The following EIF4A3 variants were observed in gnomAD, a reference collection of about 807,000 sequenced individuals.
EIF4A3 encodes eukaryotic initiation factor 4A-III.
Under a neutral mutation model 55.6 loss-of-function variants are expected in EIF4A3, and 1 was observed. That is an observed-to-expected ratio of 0.02 (90% confidence interval 0.01 to 0.09). EIF4A3 has a LOEUF of 0.09. EIF4A3 is among the 10% of genes least tolerant of loss of function. The pLI is 1.00. For missense variants in EIF4A3, 221 were observed against 540.7 expected (o/e 0.41, Z 5.86); for synonymous variants, 194 against 196.3 (o/e 0.99, Z 0.10).
At chr17:80,135,761 T>C (rs1474417425) in intron 11 of EIF4A3, 4 of 610,292 alleles carry the variant, frequency 6.6e-6, no homozygotes, top group Non-Finnish European at 1.1e-5. Context: ...CTGGCTATGG[T>C]GCACGTGTCT....
Position 80,134,437 on chromosome 17 carries a change from T to C in EIF4A3, c.*1053A>G, listed in dbSNP as rs1215481824. 6.6e-6 allele frequency among the ~76,000 whole-genome samples: 1 copy of C among 152,112 alleles called. No individual in the cohort carries two copies. The highest frequency in any genetic ancestry group is 2.4e-5 in the African/African-American group (1 of 41,410). On this transcript the variant is annotated 3_prime_UTR_variant, in exon 12 of 12. Transcript: ENST00000649764. Reference sequence around the variant, plus strand: ...ACAGATAATTATCTGTTTTAGTTTGTCAACATTGTGGTAAGTCATGATCCT... The same window carrying C: ...ACAGATAATTATCTGTTTTAGTTTGCCAACATTGTGGTAAGTCATGATCCT...
At chr17:80,141,032 G>A (rs1484301697) in intron 4 of EIF4A3, among the ~76,000 whole-genome samples, 5 of 152,030 alleles carry the variant, frequency 3.3e-5, no homozygotes, top group African/African-American at 1.2e-4. Context: ...CCTGACCTCA[G>A]GTGATCCACC....
At position 80,140,396 on chromosome 17, in the gene EIF4A3, C is replaced by T. The variant is rs145646361; in HGVS notation, c.373-256G>A. 293 of 304,706 alleles carry T rather than the reference C, an allele frequency of 9.6e-4. 1 individual carries two copies. The highest frequency in any genetic ancestry group is 6.2e-3 in the African/African-American group (281 of 45,142). 18.9% of individuals were successfully genotyped at this position (304,706 alleles called of 1,614,324 possible). The stretch of plus-strand genomic sequence containing the variant: ...CAGCGCAATCTTAGCTCACTGCAAG[C>T]TCCGCCTCCAGGGTTCACGCCATTC... On this transcript the variant is annotated intron_variant, in intron 4 of 11. Transcript: ENST00000649764.
intron 2 of EIF4A3, among the ~76,000 whole-genome samples, chr17:80,142,784 G>A (rs993506289): frequency 1.8e-4 from 28 of 152,168 alleles, no homozygotes; most frequent in Admixed American, 5.9e-4. Flanking sequence ...AGTGGCTCAC[G>A]CCTGTAATCC....
Position 80,139,180 on chromosome 17 carries a change from A to T in EIF4A3, c.587-18T>A. On this transcript the variant is annotated intron_variant, in intron 6 of 11. Transcript: ENST00000649764. ...TTTGAAACCTGGGACAGGGAGCAAG[A>T]CAGGTGAGGGATGTTTAGGGCGGCA... 2.5e-6 allele frequency: 4 copies of T among 1,613,860 alleles called. No homozygotes were observed. The highest frequency in any genetic ancestry group is 3.4e-6 in the Non-Finnish European group (4 of 1,179,824).
At chr17:80,137,632 TC>T in intron 8 of EIF4A3, 131 bp from the exon 9 acceptor site, 1 of 705,326 alleles carries the variant, frequency 1.4e-6, no homozygotes, top group South Asian at 2.0e-5. Flanking sequence ...AAACTCAGAA[TC>T]ATCCTAACTG....
intron 2 of EIF4A3, among the ~76,000 whole-genome samples, chr17:80,143,112 G>C (rs781276077): frequency 1.3e-5 from 2 of 152,088 alleles, no homozygotes; most frequent in Non-Finnish European, 1.5e-5. Flanking sequence ...ATTCCCTTAT[G>C]GGGGAAAGAA....
intron 8 of EIF4A3, 80 bp from the exon 9 acceptor site, chr17:80,137,581 T>G (rs2039582793): frequency 9.4e-7 from 1 of 1,058,412 alleles, no homozygotes; most frequent in African/African-American, 1.6e-5. Flanking sequence ...ACCGCATCAT[T>G]TGCAGAACCA....
chr17:80,137,084 T>G, intron 9 of EIF4A3: 1 of 252,042 alleles, frequency 4.0e-6, no homozygotes. Context: ...CACTGTGGAA[T>G]TAAACTAATC....
Position 80,147,082 on chromosome 17 carries a change from T to C in EIF4A3, c.-121A>G. The C allele has an allele frequency of 7.6e-7, 1 of 1,323,470 alleles. No homozygotes were observed. Among genetic ancestry groups the C allele is most frequent in the Non-Finnish European group, 9.7e-7 (1 of 1,030,166 alleles). 82.0% of individuals were successfully genotyped at this position (1,323,470 alleles called of 1,614,324 possible). On this transcript the variant is annotated 5_prime_UTR_variant, in exon 1 of 12. Coordinates refer to ENST00000649764, the MANE Select transcript of EIF4A3 (RefSeq NM_014740.4). ...CGACCTCGCTGTGCCGCTGCCGACC[T>C]CGCTGTGCCGCTGCCGACCTCGCTG...
At chr17:80,137,722 CTA>C (rs2039584589) in intron 8 of EIF4A3, 2 of 523,734 alleles carry the variant, frequency 3.8e-6, no homozygotes, top group Non-Finnish European at 6.8e-6. Context: ...TATAATGACT[CTA>C]TGGGGGGAGG....
At chr17:80,135,588 C>T in intron 11 of EIF4A3, 82 bp from the exon 12 acceptor site, 1 of 1,287,222 alleles carries the variant, frequency 7.8e-7, no homozygotes, top group African/African-American at 1.5e-5. Context: ...TAAAACCTCA[C>T]AACAGACTTC....
chr17:80,137,942 C>G (rs2039586314), intron 8 of EIF4A3, among the ~76,000 whole-genome samples, 200 bp downstream of exon 8: 1 of 152,148 alleles, frequency 6.6e-6, no homozygotes, highest in Non-Finnish European at 1.5e-5. Context: ...TATCGCTGTT[C>G]TGTAAATGAA....
At chr17:80,142,933 G>A (rs2039629555) in intron 2 of EIF4A3, among the ~76,000 whole-genome samples, 1 of 152,194 alleles carries the variant, frequency 6.6e-6, no homozygotes, top group Non-Finnish European at 1.5e-5. Flanking sequence ...CAGCTACTTG[G>A]GAGGGTGAGG....
In EIF4A3 at chr17:80,136,495, C is replaced by A. The variant is rs1245464667; in HGVS notation, c.984-160G>T. On this transcript the variant is annotated intron_variant, in intron 9 of 11. Coordinates refer to ENST00000649764, the MANE Select transcript of EIF4A3 (RefSeq NM_014740.4). ...GTCTGCAAACGTGAAGCCTCAGGGACAGCACCAGAAACCCCTGTGCAGAGG... is the reference window on the plus strand; with the variant it reads ...GTCTGCAAACGTGAAGCCTCAGGGAAAGCACCAGAAACCCCTGTGCAGAGG... 4 of 624,380 alleles carry A rather than the reference C, an allele frequency of 6.4e-6. No individual in the cohort carries two copies. The African/African-American group carries it at 7.4e-5, about 12-fold the overall frequency. 38.7% of individuals were successfully genotyped at this position (624,380 alleles called of 1,614,324 possible).
intron 3 of EIF4A3, 51 bp from the exon 4 acceptor site, chr17:80,141,432 G>A: frequency 6.4e-7 from 1 of 1,555,086 alleles, no homozygotes; most frequent in Admixed American, 1.7e-5. Context: ...TTATCAAAGT[G>A]GATTGTAGTA....
At chr17:80,145,036 G>A (rs1052700850) in intron 1 of EIF4A3, among the ~76,000 whole-genome samples, 3 of 152,216 alleles carry the variant, frequency 2.0e-5, no homozygotes, top group African/African-American at 7.2e-5. Flanking sequence ...AAAAGAAAAT[G>A]TAGCACAATT....
chr17:80,139,290 AT>A, intron 6 of EIF4A3, 128 bp from the exon 7 acceptor site: 1 of 1,251,160 alleles, frequency 8.0e-7, no homozygotes, highest in Non-Finnish European at 1.1e-6. Context: ...AGGAAATCTC[AT>A]TTTTACAGCA....
At chr17:80,146,371 G>C (rs1225914152) in intron 1 of EIF4A3, among the ~76,000 whole-genome samples, 1 of 152,182 alleles carries the variant, frequency 6.6e-6, no homozygotes, top group African/African-American at 2.4e-5. Flanking sequence ...CCCCGCTTCA[G>C]GTTCTTCAGG....
Sources: gnomAD v4.1 joint callset for allele counts (sites outside exome capture counted in the v4.1 genomes callset) on GRCh38, gnomAD v4.1.1 for gene constraint, MANE v1.5 for transcripts, NCBI Gene and HGNC (gene_info 2026-07-23, HGNC 2026-07-21) for gene names.